CPLANE1: variants seen among roughly 807,000 people sequenced by gnomAD.
CPLANE1 encodes the protein ciliogenesis and planar polarity effector complex subunit 1, also known as ciliogenesis and planar polarity effector 1.
In CPLANE1, 263 loss-of-function variants were observed where a neutral mutation model predicts 362.5. The ratio of observed to expected loss-of-function variants is 0.73; its 90% CI spans 0.66 to 0.80. The LOEUF (loss-of-function observed/expected upper bound fraction) is 0.80, where lower values mean the gene tolerates loss of function less well. Among genes scored for constraint, CPLANE1 ranks in the 30% least tolerant of loss-of-function variants. The pLI is 0.00. For synonymous variants in CPLANE1, 1,212 were observed against 1,302.6 expected, an observed-to-expected ratio of 0.93 and a Z score of 1.50; for missense variants, 3,461 against 3,793.4, an observed-to-expected ratio of 0.91 and a Z score of 2.30.
At chr5:37,156,447 T>A (rs999940484) in intron 41 of CPLANE1, among the ~76,000 whole-genome samples, 3 of 151,790 alleles carry the variant, frequency 2.0e-5, no homozygotes, top group African/African-American at 7.3e-5. Flanking sequence ...CTATGAAAAA[T>A]TTTAAAAATT....
At chr5:37,084,570 G>A in the CPLANE1 span, among the ~76,000 whole-genome samples, 8 of 152,014 alleles carry the variant, frequency 5.3e-5, no homozygotes, top group South Asian at 8.3e-4. Context: ...ACGAGGTCAG[G>A]AGTTTGTGAG....
At chr5:37,204,811 T>C (rs1466438598) in intron 18 of CPLANE1, among the ~76,000 whole-genome samples, 1 of 152,190 alleles carries the variant, frequency 6.6e-6, no homozygotes, top group African/African-American at 2.4e-5. Context: ...ACCCTTGTAT[T>C]GTAAGCTGGC....
At chr5:37,141,593 T>A (rs1580107421) in intron 44 of CPLANE1, 5 of 959,976 alleles carry the variant, frequency 5.2e-6, no homozygotes, top group Admixed American at 6.2e-5. Context: ...GCATTTTTAC[T>A]GTTTATATCA....
chr5:37,124,375 G>A (rs1022378573), intron 47 of CPLANE1, among the ~76,000 whole-genome samples: 7 of 151,908 alleles, frequency 4.6e-5, no homozygotes, highest in Non-Finnish European at 1.5e-5. Context: ...ACCTAGCCTG[G>A]TTATGTCTGT....
intron 44 of CPLANE1, chr5:37,141,765 A>T (rs1361942105): frequency 1.0e-6 from 1 of 980,414 alleles, no homozygotes; most frequent in Non-Finnish European, 1.2e-6. Flanking sequence ...ATTCATTAGG[A>T]CTAAAGAATA....
the CPLANE1 span, among the ~76,000 whole-genome samples, chr5:37,086,211 T>C: frequency 6.6e-6 from 1 of 152,176 alleles, no homozygotes; most frequent in Non-Finnish European, 1.5e-5. Flanking sequence ...TAGAGATACA[T>C]ACAGAACATT....
chr5:37,223,051 C>A (rs575218107), intron 14 of CPLANE1, among the ~76,000 whole-genome samples: 1 of 152,312 alleles, frequency 6.6e-6, no homozygotes, highest in South Asian at 2.1e-4. Context: ...CCATTAAAGA[C>A]CCTCCTTCAT....
Position 37,209,606 on chromosome 5 carries a change from C to T in CPLANE1, c.2921-3181G>A, listed in dbSNP as rs1792004758. 10 of 1,431,462 alleles carry T rather than the reference C, an allele frequency of 7.0e-6. No individual in the cohort carries two copies. The highest frequency in any genetic ancestry group is 9.9e-6 in the Non-Finnish European group (10 of 1,014,974). The allele number at this position is 1,431,462 out of a possible 1,614,324, so 88.7% of individuals were successfully genotyped here. A position where few individuals can be genotyped will look rare whatever the true frequency, so the allele number is the denominator to read the frequency against. On this transcript the variant is annotated intron_variant, in intron 16 of 52. Transcript: ENST00000651892. This position sits in a 1 kb window ranked among gnomAD's most constrained non-coding sequence, Gnocchi z 4.6. ...CCTCTAACTCTTTAGTGGCAGATCA[C>T]TTACAAAGATGTGGCTGTGAATATT... is the stretch of plus-strand genomic sequence containing the variant.
At chr5:37,166,341 A>G (rs534928578) in intron 35 of CPLANE1, among the ~76,000 whole-genome samples, 13 of 152,300 alleles carry the variant, frequency 8.5e-5, no homozygotes, top group African/African-American at 3.1e-4. Context: ...GCTTACTGTA[A>G]GAGTCTAAAG....
At chr5:37,151,611 A>G (rs574580813) in intron 42 of CPLANE1, among the ~76,000 whole-genome samples, 5 of 152,354 alleles carry the variant, frequency 3.3e-5, no homozygotes, top group African/African-American at 9.6e-5. Flanking sequence ...TCGGGTATAA[A>G]TCAAATATCT....
intron 38 of CPLANE1, among the ~76,000 whole-genome samples, chr5:37,158,618 C>T (rs1442041432): frequency 1.3e-5 from 2 of 152,034 alleles, no homozygotes; most frequent in East Asian, 3.9e-4. Flanking sequence ...CAAGAAAATG[C>T]TAAAATTTCC....
chr5:37,183,237 T>C lies in CPLANE1; in HGVS notation c.4944A>G (p.Ser1648=), dbSNP rs1306145201. ...TCCCTTGATTAACCAGTACTGATGA[T>C]GAAAGTTTCTGGTTTTCTAAATGCA... ...YGMHLENQKL[S]SSVLVNQGIK... is the part of the protein sequence containing the mutation. The change falls in exon 26 of 53, where the codon TCA becomes TCG. Residue 1648 remains serine (S), a synonymous_variant. Transcript: ENST00000651892. The C allele has an allele frequency of 2.5e-6, 4 of 1,612,462 alleles. No individual in the cohort carries two copies. Among genetic ancestry groups the C allele is most frequent in the Non-Finnish European group, 3.4e-6 (4 of 1,179,622 alleles).
chr5:37,229,076 T>A (rs994517411), intron 9 of CPLANE1, among the ~76,000 whole-genome samples: 1 of 151,596 alleles, frequency 6.6e-6, no homozygotes, highest in Non-Finnish European at 1.5e-5. Flanking sequence ...AAAAATTATC[T>A]GGGCGTGGTG....
At chr5:37,239,921 T>C in intron 6 of CPLANE1, 52 bp from the exon 7 acceptor site, 1 of 1,262,124 alleles carries the variant, frequency 7.9e-7, no homozygotes, top group South Asian at 2.1e-5. Context: ...ACTTTTAAAT[T>C]TATATGTAGT....
At chr5:37,133,691 T>C (rs1766671887) in intron 46 of CPLANE1, among the ~76,000 whole-genome samples, 1 of 152,224 alleles carries the variant, frequency 6.6e-6, no homozygotes, top group South Asian at 2.1e-4. Flanking sequence ...CTTTAGGTTT[T>C]CTAGGTATAG....
the CPLANE1 span, among the ~76,000 whole-genome samples, chr5:37,087,152 T>G: frequency 6.6e-6 from 1 of 152,122 alleles, no homozygotes; most frequent in African/African-American, 2.4e-5. Context: ...TAACACATGG[T>G]TCCCGAAAGA....
Position 37,112,303 on chromosome 5 carries a change from T to C in CPLANE1, c.9400+2657A>G, listed in dbSNP as rs116216187. ...GGCTATCACTGGGTTTCTCTCACCT[T>C]ACTTTACCTAGAGATGGCTTTGTAA... On this transcript the variant is annotated intron_variant, in intron 51 of 52. Coordinates refer to ENST00000651892, the MANE Select transcript of CPLANE1 (RefSeq NM_001384732.1). 8.0e-3 allele frequency among the ~76,000 whole-genome samples: 1,217 copies of C among 152,350 alleles called. 20 individuals carry two copies. The highest frequency in any genetic ancestry group is 0.028 in the African/African-American group (1,155 of 41,582).
Position 37,230,846 on chromosome 5 carries a change from AAC to A in CPLANE1, c.1121+19_1121+20del. The A allele has an allele frequency of 7.2e-7, 1 of 1,385,808 alleles. No individual in the cohort carries two copies. The highest frequency in any genetic ancestry group is 2.8e-5 in the East Asian group (1 of 36,180). 85.8% of individuals were successfully genotyped at this position (1,385,808 alleles called of 1,614,324 possible). On this transcript the variant is annotated intron_variant, in intron 9 of 52. Coordinates refer to ENST00000651892, the MANE Select transcript of CPLANE1 (RefSeq NM_001384732.1). ...CAGAAAAAAAATCTATAAACAAATT[AAC>A]ACAATTCAAATGTCTCACCTATACG...
intron 41 of CPLANE1, 47 bp downstream of exon 41, chr5:37,157,266 C>A (rs1775391961): frequency 8.6e-6 from 10 of 1,165,978 alleles, no homozygotes; most frequent in Non-Finnish European, 1.2e-5. Context: ...GTTTCCAATA[C>A]AACAGTAATT....
Sources: gnomAD v4.1 joint callset for allele counts (sites outside exome capture counted in the v4.1 genomes callset) on GRCh38, gnomAD v4.1.1 for gene constraint, Gnocchi (gnomAD v3.1) non-coding constraint, MANE v1.5 for transcripts, NCBI Gene and HGNC (gene_info 2026-07-23, HGNC 2026-07-21) for gene names.